Variants in ABR observed in about 807,000 individuals in gnomAD.
The protein encoded by ABR is active breakpoint cluster region-related protein.
In ABR, 35 loss-of-function variants were observed where a neutral mutation model predicts 107.2. The observed-to-expected ratio is 0.33, with a 90% CI of 0.25 to 0.43. The LOEUF (loss-of-function observed/expected upper bound fraction) is 0.43. Ranked by LOEUF, ABR falls within the 20% of genes least tolerant of loss-of-function variation. ABR has a pLI of 1.00. For synonymous variants in ABR, 498 were observed against 462.0 expected, an observed-to-expected ratio of 1.08 and a Z score of -1.00; for missense variants, 815 against 1,115.2, an observed-to-expected ratio of 0.73 and a Z score of 3.83.
At chr17:1,121,908 C>G (rs1261702570) in intron 2 of ABR, among the ~76,000 whole-genome samples, 2 of 152,134 alleles carry the variant, frequency 1.3e-5, no homozygotes, top group Non-Finnish European at 2.9e-5. Context: ...AGTAGATTTT[C>G]TTTTATTTTC....
chr17:1,081,008 C>T (rs1042578373), intron 5 of ABR, among the ~76,000 whole-genome samples: 1 of 152,160 alleles, frequency 6.6e-6, no homozygotes, highest in Admixed American at 6.5e-5. Context: ...CTCTGCCCTC[C>T]AGGGTGGGCA....
At chr17:1,101,796 C>G (rs62067937) in intron 2 of ABR, among the ~76,000 whole-genome samples, 12 of 150,892 alleles carry the variant, frequency 8.0e-5, no homozygotes, top group East Asian at 5.8e-4. Context: ...TGCAGTGGCG[C>G]GATCTCGGCT....
chr17:1,219,865 C>T (rs183239729), intron 1 of ABR, among the ~76,000 whole-genome samples: 1 of 151,832 alleles, frequency 6.6e-6, no homozygotes, highest in Admixed American at 6.6e-5. Flanking sequence ...TCAGTCTCCC[C>T]ATCTGCCCAA....
At chr17:1,081,086 A>T (rs1442849281) in intron 5 of ABR, among the ~76,000 whole-genome samples, 2 of 152,166 alleles carry the variant, frequency 1.3e-5, no homozygotes, top group African/African-American at 4.8e-5. Flanking sequence ...CAATCAGCCC[A>T]GGCCAAGAGA....
chr17:1,157,438 A>G lies in ABR; in HGVS notation c.61+22229T>C, dbSNP rs2041090265. Among the ~76,000 whole-genome samples, 2 of 152,084 alleles carry G rather than the reference A, an allele frequency of 1.3e-5. No homozygotes were observed. The highest frequency in any genetic ancestry group is 4.2e-4 in the South Asian group (2 of 4,810). On this transcript the variant is annotated intron_variant, in intron 1 of 22. Coordinates refer to ENST00000302538, the MANE Select transcript of ABR (RefSeq NM_021962.5). This position sits in a 1 kb window ranked among gnomAD's most constrained non-coding sequence, Gnocchi z 4.7. ...GCTAATTTTTATATTTTTAATAGAG[A>G]CAGGGTCTCACCATGTTGGCCAGGC... is the stretch of plus-strand genomic sequence containing the variant.
chr17:1,117,885 A>T (rs533676505), intron 2 of ABR, among the ~76,000 whole-genome samples: 104 of 46,380 alleles, frequency 2.2e-3, no homozygotes, highest in Non-Finnish European at 2.9e-3. Flanking sequence ...CCCAGCGTTA[A>T]CCCTGAGCCT....
chr17:1,009,806 G>A (rs759908437), intron 20 of ABR, 22 bp from the exon 21 acceptor site: 5 of 1,605,688 alleles, frequency 3.1e-6, no homozygotes, highest in Non-Finnish European at 4.3e-6. Flanking sequence ...AAGGGCCAGT[G>A]TGGCGTTTGG....
intron 14 of ABR, among the ~76,000 whole-genome samples, chr17:1,052,313 G>T (rs941927934): frequency 2.0e-5 from 3 of 151,754 alleles, no homozygotes. Context: ...GATTGATCTC[G>T]GTGTGAGCCC....
At chr17:1,033,757 C>T (rs550255814) in intron 16 of ABR, among the ~76,000 whole-genome samples, 1 of 152,244 alleles carries the variant, frequency 6.6e-6, no homozygotes, top group African/African-American at 2.4e-5. Context: ...TCACCAGCAC[C>T]GCCTGAGGGG....
intron 1 of ABR, among the ~76,000 whole-genome samples, chr17:1,130,277 G>A (rs1597918252): frequency 6.6e-6 from 1 of 151,926 alleles, no homozygotes; most frequent in African/African-American, 2.4e-5. Context: ...AGCCTCAAAC[G>A]CAGCCTTTTC....
chr17:1,051,850 G>C lies in ABR; in HGVS notation c.1562-1216C>G, dbSNP rs1037522854. Among the ~76,000 whole-genome samples, 1 of 152,182 alleles carries C rather than the reference G, an allele frequency of 6.6e-6. No homozygotes were observed. Among genetic ancestry groups the C allele is most frequent in the Non-Finnish European group, 1.5e-5 (1 of 68,018 alleles). ...GCACTTTGGGAGGCCAAGGTGGGCA[G>C]ATCACCTGAGGTCAGGAGTTTGAGA... On this transcript the variant is annotated intron_variant, in intron 14 of 22. Transcript: ENST00000302538. The surrounding 1 kb of genome is among the most constrained non-coding windows in gnomAD (Gnocchi z 4.3).
At chr17:1,207,606 G>A (rs1364708489) in intron 1 of ABR, among the ~76,000 whole-genome samples, 2 of 132,566 alleles carry the variant, frequency 1.5e-5, no homozygotes, top group Admixed American at 8.4e-5. Context: ...CCGAGATGGC[G>A]CCAGTACACT....
chr17:1,204,410 G>A (rs1172146963), intron 1 of ABR, among the ~76,000 whole-genome samples: 2 of 152,094 alleles, frequency 1.3e-5, no homozygotes, highest in Non-Finnish European at 2.9e-5. Flanking sequence ...GCGCCACTGC[G>A]CTCCAGCATG....
chr17:1,202,420 C>G (rs1272846429), intron 1 of ABR, among the ~76,000 whole-genome samples: 1 of 152,230 alleles, frequency 6.6e-6, no homozygotes, highest in Admixed American at 6.5e-5. Context: ...CATCTTAGAT[C>G]ACTCATTCTA....
intron 16 of ABR, among the ~76,000 whole-genome samples, chr17:1,045,392 G>A (rs974009796): frequency 2.4e-5 from 3 of 125,744 alleles, no homozygotes; most frequent in African/African-American, 7.9e-5. Flanking sequence ...TCTTACAGCA[G>A]GACAATCTTC....
At chr17:1,044,102 C>T (rs147520515) in intron 16 of ABR, among the ~76,000 whole-genome samples, 8 of 152,228 alleles carry the variant, frequency 5.3e-5, no homozygotes, top group African/African-American at 1.9e-4. Context: ...GCAGCTGGAG[C>T]GGCAAGGCTG....
chr17:1,054,397 G>A (rs975255240), intron 14 of ABR, among the ~76,000 whole-genome samples: 1 of 152,228 alleles, frequency 6.6e-6, no homozygotes, highest in Non-Finnish European at 1.5e-5. Context: ...GACGCAAATT[G>A]TTAAGTGACA....
At chr17:1,089,970 A>G (rs1299984452) in intron 4 of ABR, among the ~76,000 whole-genome samples, 1 of 152,228 alleles carries the variant, frequency 6.6e-6, no homozygotes, top group Non-Finnish European at 1.5e-5. Flanking sequence ...CAACAAAAAA[A>G]GGAAATGCAG....
Position 1,011,070 on chromosome 17 carries a change from A to G in ABR, c.2102-207T>C. The stretch of plus-strand genomic sequence containing the variant: ...AACAGGGAGAGATAGCCTGGGGGCC[A>G]TCTGCTGTGGCTGCTTGGGAAAGGG... On this transcript the variant is annotated intron_variant, in intron 19 of 22. Transcript: ENST00000302538. This position sits in a 1 kb window ranked among gnomAD's most constrained non-coding sequence, Gnocchi z 4.8. 1.6e-6 allele frequency: 1 copy of G among 611,176 alleles called. No homozygotes were observed. The highest frequency in any genetic ancestry group is 1.8e-5 in the African/African-American group (1 of 54,126). 37.9% of individuals were successfully genotyped at this position (611,176 alleles called of 1,614,324 possible).
Sources: allele counts gnomAD v4.1 joint callset (sites outside exome capture counted in the v4.1 genomes callset), GRCh38; gene constraint gnomAD v4.1.1; non-coding constraint Gnocchi (gnomAD v3.1); transcripts MANE v1.5; gene names NCBI Gene and HGNC (gene_info 2026-07-23, HGNC 2026-07-21).